Variants in BBS5 observed in about 807,000 individuals in gnomAD.
BBS5 encodes the protein BBSome complex member BBS5.
In BBS5, 39 loss-of-function variants were observed where a neutral mutation model predicts 50.2. That is an observed-to-expected ratio of 0.78 (90% CI 0.60 to 1.01). The LOEUF is 1.01. Among genes scored for constraint, BBS5 ranks in the 50% least tolerant of loss-of-function variants. BBS5 has a pLI of 0.00. For missense variants in BBS5, 356 were observed against 401.5 expected, an observed-to-expected ratio of 0.89 and a Z score of 0.97; for synonymous variants, 134 against 133.1, an observed-to-expected ratio of 1.01 and a Z score of -0.05.
Position 169,500,191 on chromosome 2 carries a change from C to A in BBS5, c.816+571C>A, listed in dbSNP as rs1278176106. On this transcript the variant is annotated intron_variant, in intron 9 of 11. Coordinates refer to ENST00000295240, the MANE Select transcript of BBS5 (RefSeq NM_152384.3). ...TCCCTGCTCTCCAGGTACATGAGCTCTCTTTTGGCTTCATTTGTCTCTCCA... is the reference window on the plus strand; with the variant it reads ...TCCCTGCTCTCCAGGTACATGAGCTATCTTTTGGCTTCATTTGTCTCTCCA... 2.0e-5 allele frequency among the ~76,000 whole-genome samples: 3 copies of A among 152,316 alleles called. No homozygotes were observed. In the East Asian group the frequency reaches 5.8e-4, roughly 29 times the overall value.
rs1047711267 is a variant in BBS5 at position 169,505,117 on chromosome 2, A to G, written c.*535A>G. On this transcript the variant is annotated 3_prime_UTR_variant, in exon 12 of 12. Coordinates refer to ENST00000295240, the MANE Select transcript of BBS5 (RefSeq NM_152384.3). ...TTACAGGCGCGCGCCGCCACACCTG[A>G]CTGGTTTTCGTATTTTTTTGGTGGA... The G allele has an allele frequency of 2.3e-6, 2 of 872,390 alleles. No individual in the cohort carries two copies. The highest frequency in any genetic ancestry group is 1.7e-5 in the African/African-American group (1 of 59,692). 54.0% of individuals were successfully genotyped at this position (872,390 alleles called of 1,614,324 possible). A position where few individuals can be genotyped will look rare whatever the true frequency, so the allele number is the denominator to read the frequency against.
rs745540967 is a variant in BBS5, at chr2:169,479,537, C to G, written c.-17C>G. The G allele has an allele frequency of 2.5e-6, 4 of 1,614,140 alleles. No individual in the cohort carries two copies. The highest frequency in any genetic ancestry group is 3.4e-6 in the Non-Finnish European group (4 of 1,179,964). On this transcript the variant is annotated 5_prime_UTR_variant, in exon 1 of 12. Transcript: ENST00000295240. ...CTGCACGGCTGTGGAGAGATCCTGC[C>G]ACGGGCCTTGTTCACCATGTCGGTG...
chr2:169,498,578 G>A lies in BBS5; in HGVS notation c.681+889G>A, dbSNP rs549957339. Among the ~76,000 whole-genome samples, 5 of 152,208 alleles carry A rather than the reference G, an allele frequency of 3.3e-5. No homozygotes were observed. The East Asian group carries it at 9.7e-4, about 30-fold the overall frequency. ...CATGCTTGTAATCCCAGCACTTTGGGAGGTCGAGGCGGGCAGAGCAGGAAG... is the reference window on the plus strand; with the variant it reads ...CATGCTTGTAATCCCAGCACTTTGGAAGGTCGAGGCGGGCAGAGCAGGAAG... On this transcript the variant is annotated intron_variant, in intron 8 of 11. Coordinates refer to ENST00000295240, the MANE Select transcript of BBS5 (RefSeq NM_152384.3).
chr2:169,495,719 G>A (rs907240860), intron 7 of BBS5, among the ~76,000 whole-genome samples: 11 of 152,274 alleles, frequency 7.2e-5, no homozygotes, highest in African/African-American at 2.6e-4. Flanking sequence ...ACAGTGGCAT[G>A]GTCTTGGCTT....
chr2:169,479,649 G>C (rs749764100), intron 1 of BBS5, 37 bp downstream of exon 1: 2 of 1,612,234 alleles, frequency 1.2e-6, no homozygotes, highest in Non-Finnish European at 8.5e-7. Flanking sequence ...CTTCAACCCT[G>C]TAGAGGGCGC....
intron 8 of BBS5, 48 bp from the exon 9 acceptor site, chr2:169,499,438 T>A: frequency 6.4e-7 from 1 of 1,568,310 alleles, no homozygotes. Context: ...CTATAAATAC[T>A]GTTCTTCAGA....
chr2:169,496,711 T>C (rs2105299803), intron 7 of BBS5, among the ~76,000 whole-genome samples: 1 of 151,934 alleles, frequency 6.6e-6, no homozygotes, highest in Middle Eastern at 3.4e-3. Flanking sequence ...CTACTAAAAA[T>C]ACAAAAAATT....
chr2:169,482,306 G>A lies in BBS5; in HGVS notation c.115G>A (p.Asp39Asn), dbSNP rs753880601. The change falls in exon 2 of 12, where the codon GAC (aspartate) becomes AAC (asparagine). Residue 39 changes from aspartate to asparagine, a missense_variant. By Grantham distance (23) the Asp-to-Asn change is conservative (BLOSUM62 1). Transcript: ENST00000295240. ...TATTGATTGTTTAGATTCCATTGAAGACACCAAAGGAAATAATGGAGATAG... is the reference window on the plus strand; with the variant it reads ...TATTGATTGTTTAGATTCCATTGAAAACACCAAAGGAAATAATGGAGATAG... ...VLIDCLDSIE[D>N]TKGNNGDRGR... 4 of 1,604,988 alleles carry A rather than the reference G, an allele frequency of 2.5e-6. No homozygotes were observed. The highest frequency in any genetic ancestry group is 1.1e-5 in the South Asian group (1 of 90,900).
intron 5 of BBS5, among the ~76,000 whole-genome samples, chr2:169,491,568 C>T (rs139156130): frequency 6.6e-6 from 1 of 152,198 alleles, no homozygotes; most frequent in African/African-American, 2.4e-5. Flanking sequence ...AAAAGTTAAT[C>T]AGGGTTTCTG....
chr2:169,487,740 T>A, intron 3 of BBS5, 66 bp from the exon 4 acceptor site: 1 of 1,202,052 alleles, frequency 8.3e-7, no homozygotes. Flanking sequence ...TACTTTTTTT[T>A]TAGAAAAGTA....
At position 169,499,606 on chromosome 2, in the gene BBS5, G is replaced by A. The variant is rs772270860; in HGVS notation, c.802G>A (p.Glu268Lys). The A allele has an allele frequency of 6.2e-7, 1 of 1,613,918 alleles. No individual in the cohort carries two copies. Among genetic ancestry groups the A allele is most frequent in the South Asian group, 1.1e-5 (1 of 91,058 alleles). The change falls in exon 9 of 12, where the codon GAG becomes AAG. Residue 268 changes from glutamate to lysine, a missense_variant. By Grantham distance (56) the Glu-to-Lys change is moderately conservative (BLOSUM62 1). Coordinates refer to ENST00000295240, the MANE Select transcript of BBS5 (RefSeq NM_152384.3). ...CAGTCCCATATTTGGAGTTGATTAT[G>A]AGATGGAAGAAAAGGTAATTTGTTG... Reference protein sequence around the residue: ...SASPIFGVDYEMEEKPQPLEA... With the variant: ...SASPIFGVDYKMEEKPQPLEA...
intron 8 of BBS5, 106 bp from the exon 9 acceptor site, chr2:169,499,380 G>T: frequency 8.4e-7 from 1 of 1,186,968 alleles, no homozygotes; most frequent in Non-Finnish European, 1.2e-6. Flanking sequence ...ATGAACTTAC[G>T]TATTATGCTC....
At chr2:169,480,807 G>A (rs1268346980) in intron 1 of BBS5, among the ~76,000 whole-genome samples, 1 of 149,344 alleles carries the variant, frequency 6.7e-6, no homozygotes, top group Admixed American at 6.8e-5. Flanking sequence ...TCAGCCTCCA[G>A]AGTAGCTGGG....
At chr2:169,500,137 A>AT (rs1683772173) in intron 9 of BBS5, among the ~76,000 whole-genome samples, 4 of 152,156 alleles carry the variant, frequency 2.6e-5, no homozygotes, top group Non-Finnish European at 5.9e-5. Context: ...TGTCTTCTTC[A>AT]TGATTTCTTT....
chr2:169,499,702 A>G, intron 9 of BBS5, 82 bp downstream of exon 9: 1 of 1,399,626 alleles, frequency 7.1e-7, no homozygotes, highest in Non-Finnish European at 1.0e-6. Flanking sequence ...ACTGTGCACC[A>G]TTTAATTTTG....
chr2:169,498,064 C>T (rs1327809821), intron 8 of BBS5, among the ~76,000 whole-genome samples: 2 of 152,186 alleles, frequency 1.3e-5, no homozygotes, highest in African/African-American at 4.8e-5. Context: ...TGACCATGAT[C>T]TCACAACTAG....
At chr2:169,491,537 T>C (rs1683600814) in intron 5 of BBS5, among the ~76,000 whole-genome samples, 1 of 152,250 alleles carries the variant, frequency 6.6e-6, no homozygotes, top group Admixed American at 6.5e-5. Flanking sequence ...GCCTGTTTTA[T>C]ATGAAATATT....
Position 169,499,380 on chromosome 2 carries a change from G to A in BBS5, c.682-106G>A, listed in dbSNP as rs145806047. ...AGTTTAATTGAAAAAATGAACTTAC[G>A]TATTATGCTCTAAAATAAGGACAAA... On this transcript the variant is annotated intron_variant, in intron 8 of 11. Coordinates refer to ENST00000295240, the MANE Select transcript of BBS5 (RefSeq NM_152384.3). 4.1e-4 allele frequency: 488 copies of A among 1,186,964 alleles called. 1 individual carries two copies. The East Asian group carries it at 7.8e-3, about 19-fold the overall frequency. The allele number at this position is 1,186,964 out of a possible 1,614,324, so 73.5% of individuals were successfully genotyped here.
At chr2:169,493,719 A>G (rs759371500) in intron 6 of BBS5, 22 bp from the exon 7 acceptor site, 2 of 1,483,594 alleles carry the variant, frequency 1.3e-6, no homozygotes, top group Non-Finnish European at 1.9e-6. Flanking sequence ...TCATTTCGGT[A>G]TCTCATTACT....
Sources: allele counts gnomAD v4.1 joint callset (sites outside exome capture counted in the v4.1 genomes callset), GRCh38; gene constraint gnomAD v4.1.1; transcripts MANE v1.5; gene names NCBI Gene and HGNC (gene_info 2026-07-23, HGNC 2026-07-21).